Variants in GRAMD2A observed in about 807,000 individuals in gnomAD.
GRAMD2A encodes GRAM domain-containing protein 2A.
Under a neutral mutation model 51.1 loss-of-function variants are expected in GRAMD2A, and 37 were observed. The ratio of observed to expected loss-of-function variants is 0.72; its 90% confidence interval spans 0.56 to 0.95. The LOEUF (loss-of-function observed/expected upper bound fraction) is 0.95, where lower values mean the gene tolerates loss of function less well. Ranked by LOEUF, GRAMD2A falls within the 40% of genes least tolerant of loss-of-function variation. The probability of loss-of-function intolerance (pLI) is 0.00; values close to 1 mark genes in which losing one functional copy is unlikely to be tolerated. For missense variants in GRAMD2A, 414 were observed against 426.9 expected, an observed-to-expected ratio of 0.97 and a Z score of 0.27; for synonymous variants, 136 against 157.1, an observed-to-expected ratio of 0.87 and a Z score of 1.01.
In GRAMD2A at chr15:72,162,366, A is replaced by G; in HGVS notation, c.968T>C (p.Leu323Pro). 6.2e-7 allele frequency: 1 copy of G among 1,612,874 alleles called. No homozygotes were observed. Among genetic ancestry groups the G allele is most frequent in the African/African-American group, 1.3e-5 (1 of 75,064 alleles). ...CGCCAGGTAGGATGAGGACATGACC[A>G]GGAAGCAGATCCTGAAGAAAGCGGC... ...LKVFFVLICF[L>P]VMSSSYLAFR... The change falls in exon 11 of 12, where the codon CTG (leucine) becomes CCG (proline). Residue 323 changes from leucine (L) to proline (P), a missense_variant. Leu to Pro is a moderately conservative substitution (Grantham distance 98). Transcript: ENST00000309731.
intron 1 of GRAMD2A, among the ~76,000 whole-genome samples, chr15:72,177,238 G>C (rs527658083): frequency 1.0e-3 from 156 of 151,762 alleles, no homozygotes; most frequent in African/African-American, 3.6e-3. Flanking sequence ...TCTGGGAATA[G>C]CATTTAAATA....
Position 72,166,029 on chromosome 15 carries a change from C to T in GRAMD2A, c.543+603G>A, listed in dbSNP as rs553766210. Among the ~76,000 whole-genome samples, 12 of 152,060 alleles carry T rather than the reference C, an allele frequency of 7.9e-5. No individual in the cohort carries two copies. Among genetic ancestry groups the T allele is most frequent in the Non-Finnish European group, 1.8e-4 (12 of 68,008 alleles). Reference sequence around the variant, plus strand: ...GATTACAGGTGCCTGCCACCACACCCGGCTAATTTTTGTATTTTTAGTAAA... The same window carrying T: ...GATTACAGGTGCCTGCCACCACACCTGGCTAATTTTTGTATTTTTAGTAAA... On this transcript the variant is annotated intron_variant, in intron 7 of 11. Coordinates refer to ENST00000309731, the MANE Select transcript of GRAMD2A (RefSeq NM_001012642.3). The surrounding 1 kb of genome is among the most constrained non-coding windows in gnomAD (Gnocchi z 4.1).
chr15:72,191,754 T>C (rs1269268395), intron 1 of GRAMD2A, among the ~76,000 whole-genome samples: 2 of 151,972 alleles, frequency 1.3e-5, no homozygotes, highest in Admixed American at 1.3e-4. Context: ...AAAGGAATGG[T>C]TTAAACAACA....
rs1410043618 is a variant in GRAMD2A, at chr15:72,161,185, G to A, written c.*824C>T. ...CTTGGGACACCTTAGAAATGTTTGA[G>A]CACACAAGGGCAAAACCCAGTACCA... On this transcript the variant is annotated 3_prime_UTR_variant, in exon 12 of 12. Coordinates refer to ENST00000309731, the MANE Select transcript of GRAMD2A (RefSeq NM_001012642.3). 1.3e-5 allele frequency: 2 copies of A among 152,258 alleles called. No individual in the cohort carries two copies. The highest frequency in any genetic ancestry group is 2.4e-5 in the African/African-American group (1 of 41,448). 9.4% of individuals were successfully genotyped at this position (152,258 alleles called of 1,614,324 possible). A position where few individuals can be genotyped will look rare whatever the true frequency, so the allele number is the denominator to read the frequency against.
Position 72,160,789 on chromosome 15 carries a change from A to G in GRAMD2A, c.*1220T>C, listed in dbSNP as rs1055034199. The G allele has an allele frequency of 6.6e-6, 1 of 152,662 alleles. No homozygotes were observed. 9.5% of individuals were successfully genotyped at this position (152,662 alleles called of 1,614,324 possible). A position where few individuals can be genotyped will look rare whatever the true frequency, so the allele number is the denominator to read the frequency against. ...AGAAGGCCTTGATAGAGGAAGAGGA[A>G]TATCCAAGGCAAAGCCACCACCACG... On this transcript the variant is annotated 3_prime_UTR_variant, in exon 12 of 12. Transcript: ENST00000309731.
At position 72,162,354 on chromosome 15, in the gene GRAMD2A, G is replaced by A. The variant is rs1484852029; in HGVS notation, c.980C>T (p.Ser327Leu). ...AGAAATACGGAACGCCAGGTAGGAT[G>A]AGGACATGACCAGGAAGCAGATCCT... Reference protein sequence around the residue: ...FVLICFLVMSSSYLAFRISRL... With the variant: ...FVLICFLVMSLSYLAFRISRL... The change falls in exon 11 of 12, where the codon TCA becomes TTA. Residue 327 changes from serine (S) to leucine (L), a missense_variant. Transcript: ENST00000309731. 9 of 1,613,772 alleles carry A rather than the reference G, an allele frequency of 5.6e-6. No homozygotes were observed. The highest frequency in any genetic ancestry group is 1.1e-5 in the South Asian group (1 of 91,076).
chr15:72,195,342 C>G (rs1331133104), intron 1 of GRAMD2A, among the ~76,000 whole-genome samples: 3 of 152,232 alleles, frequency 2.0e-5, no homozygotes, highest in Non-Finnish European at 4.4e-5. Flanking sequence ...AGGCTTAGAA[C>G]TCACTTCTGA....
chr15:72,196,515 GAAAAAAA>G (rs796269821), intron 1 of GRAMD2A, among the ~76,000 whole-genome samples: 22 of 138,072 alleles, frequency 1.6e-4, no homozygotes, highest in Admixed American at 2.9e-4. Flanking sequence ...AACTGTCTCA[GAAAAAAA>G]AAAAAGAAAA....
In GRAMD2A at chr15:72,197,717, C is replaced by A; in HGVS notation, c.41+14G>T. ...GGAACCCCCGAGACCGGCCCCCGGG[C>A]CGCAACCCCTTACCCGCCCTCCTCG... On this transcript the variant is annotated intron_variant, in intron 1 of 11. Transcript: ENST00000309731. 1.5e-6 allele frequency: 2 copies of A among 1,327,648 alleles called. No individual in the cohort carries two copies. Among genetic ancestry groups the A allele is most frequent in the South Asian group, 1.8e-5 (1 of 54,208 alleles). 82.2% of individuals were successfully genotyped at this position (1,327,648 alleles called of 1,614,324 possible). A position where few individuals can be genotyped will look rare whatever the true frequency, so the allele number is the denominator to read the frequency against.
chr15:72,179,486 C>T (rs958501065), intron 1 of GRAMD2A, among the ~76,000 whole-genome samples: 6 of 152,118 alleles, frequency 3.9e-5, no homozygotes, highest in South Asian at 2.1e-4. Flanking sequence ...GGCTCTAGAG[C>T]GAGGGAAGAG....
intron 1 of GRAMD2A, among the ~76,000 whole-genome samples, chr15:72,190,148 G>A (rs545452695): frequency 4.5e-4 from 68 of 152,082 alleles, no homozygotes; most frequent in Middle Eastern, 3.4e-3. Context: ...AGGCCAAGGC[G>A]GGAGGATCAC....
chr15:72,162,471 G>A, intron 10 of GRAMD2A, 94 bp from the exon 11 acceptor site: 1 of 838,416 alleles, frequency 1.2e-6, no homozygotes, highest in South Asian at 1.6e-5. Context: ...AGCTACCCCT[G>A]CAGTTGGAAG....
Position 72,165,558 on chromosome 15 carries a change from G to A in GRAMD2A, c.544-148C>T, listed in dbSNP as rs1163107406. ...GCCCAGCTCCCAGGGTCTATAGGGG[G>A]CCCCCTATTTAATGCTGGAGCAGAG... is the stretch of plus-strand genomic sequence containing the variant. On this transcript the variant is annotated intron_variant, in intron 7 of 11. Coordinates refer to ENST00000309731, the MANE Select transcript of GRAMD2A (RefSeq NM_001012642.3). 3 of 714,178 alleles carry A rather than the reference G, an allele frequency of 4.2e-6. No homozygotes were observed. In the East Asian group the frequency reaches 8.2e-5, roughly 19 times the overall value. The allele number at this position is 714,178 out of a possible 1,614,324, so 44.2% of individuals were successfully genotyped here.
rs754210714 is a variant in GRAMD2A, at chr15:72,170,485, C to G, written c.42-546G>C. The stretch of plus-strand genomic sequence containing the variant: ...TGAGTGTGGCCAGGAGGGGAGGAGC[C>G]GTCTTATACCAGGAAGTGGCCTCAG... On this transcript the variant is annotated intron_variant, in intron 1 of 11. Coordinates refer to ENST00000309731, the MANE Select transcript of GRAMD2A (RefSeq NM_001012642.3). This position sits in a 1 kb window ranked among gnomAD's most constrained non-coding sequence, Gnocchi z 4.5. 4.5e-6 allele frequency: 2 copies of G among 447,636 alleles called. No individual in the cohort carries two copies. Among genetic ancestry groups the G allele is most frequent in the African/African-American group, 2.0e-5 (1 of 49,786 alleles). The allele number at this position is 447,636 out of a possible 1,614,324, so 27.7% of individuals were successfully genotyped here.
At chr15:72,177,279 A>G (rs1316332205) in intron 1 of GRAMD2A, among the ~76,000 whole-genome samples, 2 of 152,220 alleles carry the variant, frequency 1.3e-5, no homozygotes, top group African/African-American at 4.8e-5. Context: ...TTGTTGAAGT[A>G]TTATTTACAT....
chr15:72,166,016 C>T lies in GRAMD2A; in HGVS notation c.544-606G>A, dbSNP rs1341005406. Among the ~76,000 whole-genome samples, 1 of 152,030 alleles carries T rather than the reference C, an allele frequency of 6.6e-6. No individual in the cohort carries two copies. Among genetic ancestry groups the T allele is most frequent in the Non-Finnish European group, 1.5e-5 (1 of 67,990 alleles). On this transcript the variant is annotated intron_variant, in intron 7 of 11. Coordinates refer to ENST00000309731, the MANE Select transcript of GRAMD2A (RefSeq NM_001012642.3). This position sits in a 1 kb window ranked among gnomAD's most constrained non-coding sequence, Gnocchi z 4.1. ...CCCAAGTAGCTGGGATTACAGGTGC[C>T]TGCCACCACACCCGGCTAATTTTTG...
intron 1 of GRAMD2A, among the ~76,000 whole-genome samples, chr15:72,179,929 C>T (rs2081684205): frequency 6.6e-6 from 1 of 152,216 alleles, no homozygotes; most frequent in Non-Finnish European, 1.5e-5. Flanking sequence ...GTCCAAGGAA[C>T]CAGCCGCGGC....
intron 1 of GRAMD2A, among the ~76,000 whole-genome samples, chr15:72,180,607 C>T (rs1275228704): frequency 6.6e-6 from 1 of 152,206 alleles, no homozygotes; most frequent in Non-Finnish European, 1.5e-5. Context: ...CCCTGGGATA[C>T]CCACCTCAGA....
rs2081501188 is a variant in GRAMD2A, at chr15:72,163,313, C to G, written c.909G>C (p.Gly303=). 2 of 1,613,046 alleles carry G rather than the reference C, an allele frequency of 1.2e-6. No homozygotes were observed. The highest frequency in any genetic ancestry group is 1.7e-6 in the Non-Finnish European group (2 of 1,179,006). The part of the protein sequence containing the change: ...DELEEEPRST[G]ELRLWDYRLL... The stretch of plus-strand genomic sequence containing the variant: ...GCCGGTAATCCCAGAGCCTCAGCTC[C>G]CCAGTGCTCCTGGGCTCCTCCTCCA... The change falls in exon 10 of 12, where the codon GGG becomes GGC. Residue 303 remains glycine (G), a synonymous_variant. Transcript: ENST00000309731.
Sources: allele counts gnomAD v4.1 joint callset (sites outside exome capture counted in the v4.1 genomes callset), GRCh38; gene constraint gnomAD v4.1.1; non-coding constraint Gnocchi (gnomAD v3.1); transcripts MANE v1.5; gene names NCBI Gene and HGNC (gene_info 2026-07-23, HGNC 2026-07-21).